MIB1: variants seen among roughly 807,000 people sequenced by gnomAD.
The protein encoded by MIB1 is MIB E3 ubiquitin protein ligase 1.
A neutral mutation model predicts 124.5 loss-of-function variants in MIB1; 278 were observed. The observed-to-expected ratio is 2.23, with a 90% CI of 2.02 to 2.47. The LOEUF is 2.47. Among genes scored for constraint, MIB1 ranks in the 30% most tolerant of loss-of-function variants. The pLI is 0.00. For synonymous variants in MIB1, 446 were observed against 429.4 expected (o/e 1.04, Z -0.48); for missense variants, 957 against 1,254.4 (o/e 0.76, Z 3.58).
At chr18:21,723,741 C>G (rs1007008589) in intron 1 of MIB1, among the ~76,000 whole-genome samples, 2 of 152,192 alleles carry the variant, frequency 1.3e-5, no homozygotes, top group African/African-American at 4.8e-5. Flanking sequence ...GTCTCGAACC[C>G]CTGACTTCGT....
chr18:21,754,371 T>C (rs1003406869), intron 1 of MIB1, among the ~76,000 whole-genome samples: 5 of 152,248 alleles, frequency 3.3e-5, no homozygotes, highest in African/African-American at 1.2e-4. Flanking sequence ...AATTGCATAC[T>C]ATTCTGAATA....
At chr18:21,831,872 C>T (rs1465429957) in intron 12 of MIB1, among the ~76,000 whole-genome samples, 2 of 152,196 alleles carry the variant, frequency 1.3e-5, no homozygotes, top group East Asian at 1.9e-4. Flanking sequence ...TGAAGTCCCT[C>T]TGCTGCCAAA....
At chr18:21,837,409 G>C (rs1250151223) in intron 12 of MIB1, among the ~76,000 whole-genome samples, 1 of 152,214 alleles carries the variant, frequency 6.6e-6, no homozygotes, top group Non-Finnish European at 1.5e-5. Flanking sequence ...TCGGGAGGCT[G>C]AGGCAGGAGA....
In MIB1 at chr18:21,815,640, C is replaced by T. The variant is rs2041822678; in HGVS notation, c.1504C>T (p.His502Tyr). The T allele has an allele frequency of 6.2e-7, 1 of 1,614,056 alleles. No homozygotes were observed. The highest frequency in any genetic ancestry group is 8.5e-7 in the Non-Finnish European group (1 of 1,179,956). Residue 502 changes from histidine to tyrosine, a missense_variant, in exon 11 of 21, where the codon CAC becomes TAC. Coordinates refer to ENST00000261537, the MANE Select transcript of MIB1 (RefSeq NM_020774.4). ...AEDKDGDRAV[H>Y]HAAFGDEGAV... The stretch of plus-strand genomic sequence containing the variant: ...GGATAAAGATGGTGATAGAGCAGTT[C>T]ACCATGCAGCTTTTGGAGATGAAGG...
chr18:21,774,921 T>TTTTATTTA (rs200926882), intron 4 of MIB1, among the ~76,000 whole-genome samples: 26,116 of 138,100 alleles, frequency 0.19, 3,422 homozygotes, highest in African/African-American at 0.37. Flanking sequence ...TTTATTTCCA[T>TTTTATTTA]TTTATTTATT....
intron 1 of MIB1, among the ~76,000 whole-genome samples, chr18:21,720,881 G>C (rs1312803895): frequency 1.3e-5 from 2 of 152,140 alleles, no homozygotes; most frequent in African/African-American, 4.8e-5. Flanking sequence ...CTTCAACACA[G>C]GAGTTCGAGG....
intron 15 of MIB1, among the ~76,000 whole-genome samples, chr18:21,845,446 C>T (rs763018576): frequency 1.3e-5 from 2 of 152,238 alleles, no homozygotes; most frequent in African/African-American, 2.4e-5. Context: ...AACCCAAGAT[C>T]GCTAAGGTTT....
At chr18:21,707,551 C>G (rs2040645168) in intron 1 of MIB1, among the ~76,000 whole-genome samples, 1 of 152,228 alleles carries the variant, frequency 6.6e-6, no homozygotes, top group African/African-American at 2.4e-5. Flanking sequence ...ATAACACTCA[C>G]TGCGAAGGTT....
chr18:21,827,063 A>C (rs2041931445), intron 12 of MIB1: 1 of 152,140 alleles, frequency 6.6e-6, no homozygotes, highest in South Asian at 2.1e-4. Flanking sequence ...GTTCAGTTTC[A>C]TATACTGGCC....
chr18:21,733,275 T>G (rs1169466150), intron 1 of MIB1, among the ~76,000 whole-genome samples: 2 of 152,208 alleles, frequency 1.3e-5, no homozygotes, highest in East Asian at 3.8e-4. Context: ...TGGAATTATG[T>G]AAGCTGAACC....
intron 12 of MIB1, among the ~76,000 whole-genome samples, chr18:21,820,796 TG>T (rs995676440): frequency 2.6e-5 from 4 of 152,246 alleles, no homozygotes; most frequent in Admixed American, 2.6e-4. Flanking sequence ...GTGAAGAATA[TG>T]AGGCTTATAG....
At position 21,779,616 on chromosome 18, in the gene MIB1, C is replaced by G; in HGVS notation, c.839C>G (p.Thr280Ser). 6.2e-7 allele frequency: 1 copy of G among 1,614,066 alleles called. No homozygotes were observed. Among genetic ancestry groups the G allele is most frequent in the Non-Finnish European group, 8.5e-7 (1 of 1,179,984 alleles). ...ACTGATGGAATGTTTGAGACTTTAA[C>G]TACAACTGGAACTGTTTGTGGCATT... ...GWTDGMFETL[T>S]TTGTVCGIDE... The change falls in exon 6 of 21, where the codon ACT becomes AGT. Residue 280 changes from threonine (T) to serine (S), a missense_variant. Physicochemically the swap from Thr to Ser is moderately conservative, Grantham distance 58 (BLOSUM62 1). Transcript: ENST00000261537.
intron 4 of MIB1, among the ~76,000 whole-genome samples, chr18:21,776,193 G>A (rs897032393): frequency 2.0e-5 from 3 of 150,930 alleles, no homozygotes; most frequent in Admixed American, 6.6e-5. Context: ...AGGATCACTT[G>A]AGCCCTAGGA....
At chr18:21,708,401 C>G (rs1045082918) in intron 1 of MIB1, among the ~76,000 whole-genome samples, 2 of 152,196 alleles carry the variant, frequency 1.3e-5, no homozygotes, top group African/African-American at 4.8e-5. Context: ...CGCCTGTAAT[C>G]CCAGCACTTT....
intron 4 of MIB1, among the ~76,000 whole-genome samples, chr18:21,777,658 G>A (rs1450547386): frequency 2.6e-5 from 4 of 152,054 alleles, no homozygotes; most frequent in Admixed American, 2.6e-4. Context: ...GGGTTCAAGC[G>A]ATTCTCCTGC....
At chr18:21,861,773 T>C (rs1539864) in intron 20 of MIB1, among the ~76,000 whole-genome samples, 52,940 of 152,070 alleles carry the variant, frequency 0.35, 11,514 homozygotes, top group East Asian at 0.5. Flanking sequence ...ATTAAGGATA[T>C]ACTAATCTCA....
chr18:21,850,229 A>ATG (rs1798000208), intron 17 of MIB1, among the ~76,000 whole-genome samples: 2 of 152,052 alleles, frequency 1.3e-5, no homozygotes, highest in Non-Finnish European at 1.5e-5. Context: ...CAATACTCAA[A>ATG]TGTGTGTGTG....
chr18:21,816,227 G>A (rs1007333557), intron 11 of MIB1, among the ~76,000 whole-genome samples: 6 of 152,060 alleles, frequency 3.9e-5, no homozygotes, highest in South Asian at 2.1e-4. Context: ...TGTAATCTTC[G>A]GAGATTTCTG....
At chr18:21,827,463 T>G (rs1301038317) in intron 12 of MIB1, 1 of 152,088 alleles carries the variant, frequency 6.6e-6, no homozygotes, top group Non-Finnish European at 1.5e-5. Flanking sequence ...ATGACCAATA[T>G]AACTGTTTAT....
Sources: allele counts gnomAD v4.1 joint callset (sites outside exome capture counted in the v4.1 genomes callset), GRCh38; gene constraint gnomAD v4.1.1; transcripts MANE v1.5; gene names NCBI Gene and HGNC (gene_info 2026-07-23, HGNC 2026-07-21).